PTPRD: variants seen among roughly 807,000 people sequenced by gnomAD.
PTPRD encodes receptor-type tyrosine-protein phosphatase delta.
Under a neutral mutation model 214.5 loss-of-function variants are expected in PTPRD, and 34 were observed. The observed-to-expected ratio is 0.16, with a 90% CI of 0.12 to 0.21. PTPRD has a LOEUF of 0.21. Among genes scored for constraint, PTPRD ranks in the 10% least tolerant of loss-of-function variants. PTPRD has a pLI of 1.00. For missense variants in PTPRD, 2,545 were observed against 2,398.7 expected, an observed-to-expected ratio of 1.06 and a Z score of -1.27; for synonymous variants, 1,128 against 845.7, an observed-to-expected ratio of 1.33 and a Z score of -5.79.
At chr9:8,566,237 G>C (rs1435226374) in intron 14 of PTPRD, among the ~76,000 whole-genome samples, 1 of 151,862 alleles carries the variant, frequency 6.6e-6, no homozygotes, top group African/African-American at 2.4e-5. Flanking sequence ...GTATGTAGGA[G>C]AACTGCTTGC....
At chr9:9,808,106 A>C in intron 5 of PTPRD, among the ~76,000 whole-genome samples, 1 of 152,196 alleles carries the variant, frequency 6.6e-6, no homozygotes, top group East Asian at 1.9e-4. Flanking sequence ...ATCCTTGTTT[A>C]AGCCACACTT....
chr9:8,828,641 C>A (rs373200568), intron 11 of PTPRD, among the ~76,000 whole-genome samples: 1 of 152,090 alleles, frequency 6.6e-6, no homozygotes, highest in South Asian at 2.1e-4. Context: ...TGAATTGATA[C>A]CAGGTTCTGT....
At chr9:8,858,585 G>A (rs1470822450) in intron 11 of PTPRD, among the ~76,000 whole-genome samples, 1 of 152,124 alleles carries the variant, frequency 6.6e-6, no homozygotes, top group Non-Finnish European at 1.5e-5. Flanking sequence ...GTAACGTGCT[G>A]GGGATCCCAC....
intron 4 of PTPRD, among the ~76,000 whole-genome samples, chr9:9,982,493 T>C (rs1221200377): frequency 6.8e-6 from 1 of 147,338 alleles, no homozygotes; most frequent in Non-Finnish European, 1.5e-5. Flanking sequence ...TGTGTGTGTG[T>C]GTGTGTGTGT....
intron 9 of PTPRD, among the ~76,000 whole-genome samples, chr9:9,330,372 C>T (rs578092469): frequency 9.9e-4 from 150 of 152,118 alleles, no homozygotes; most frequent in African/African-American, 3.3e-3. Flanking sequence ...CTCCACCTGC[C>T]GCAGACTTTT....
chr9:10,228,806 G>T (rs557252389), intron 3 of PTPRD, among the ~76,000 whole-genome samples: 301 of 150,048 alleles, frequency 2.0e-3, no homozygotes, highest in African/African-American at 6.9e-3. Context: ...TTATTTATAT[G>T]TAACTTTATA....
At chr9:9,823,031 G>A (rs1565529588) in intron 5 of PTPRD, among the ~76,000 whole-genome samples, 2 of 152,054 alleles carry the variant, frequency 1.3e-5, no homozygotes, top group African/African-American at 4.8e-5. Flanking sequence ...ATTTATTGCA[G>A]CACTATTCAC....
intron 9 of PTPRD, among the ~76,000 whole-genome samples, chr9:9,344,470 T>A (rs1414639564): frequency 1.3e-5 from 2 of 151,952 alleles, no homozygotes. Flanking sequence ...GTTCAGCACA[T>A]GTATCCCAGA....
chr9:10,062,635 T>C (rs2097794975), intron 3 of PTPRD, among the ~76,000 whole-genome samples: 1 of 151,910 alleles, frequency 6.6e-6, no homozygotes, highest in Non-Finnish European at 1.5e-5. Context: ...AGATAAAAAC[T>C]GGTCTTCTAC....
chr9:9,061,829 C>T (rs1273321969), intron 10 of PTPRD, among the ~76,000 whole-genome samples: 1 of 152,118 alleles, frequency 6.6e-6, no homozygotes, highest in East Asian at 1.9e-4. Context: ...GCTCTTCTAT[C>T]CTCCTGTAGA....
At chr9:9,449,102 G>A (rs2091377194) in intron 8 of PTPRD, among the ~76,000 whole-genome samples, 1 of 151,942 alleles carries the variant, frequency 6.6e-6, no homozygotes, top group African/African-American at 2.4e-5. Context: ...CTTCTATACT[G>A]CCGCTGGCAA....
chr9:8,433,494 G>A (rs1287073442), intron 35 of PTPRD, among the ~76,000 whole-genome samples: 1 of 152,168 alleles, frequency 6.6e-6, no homozygotes, highest in Non-Finnish European at 1.5e-5. Flanking sequence ...GACAGCTCCA[G>A]GCTGTCACCC....
intron 11 of PTPRD, among the ~76,000 whole-genome samples, chr9:8,849,262 G>A (rs946896042): frequency 1.4e-5 from 2 of 141,534 alleles, no homozygotes; most frequent in African/African-American, 5.2e-5. Context: ...TGCAAGCTCC[G>A]CCTCTCGGGT....
At chr9:8,943,890 A>G (rs2099048481) in intron 11 of PTPRD, among the ~76,000 whole-genome samples, 1 of 151,930 alleles carries the variant, frequency 6.6e-6, no homozygotes, top group Non-Finnish European at 1.5e-5. Flanking sequence ...CAAAACAAAA[A>G]AGGGCAACTA....
At chr9:9,917,100 C>A (rs778775316) in intron 5 of PTPRD, among the ~76,000 whole-genome samples, 34 of 148,836 alleles carry the variant, frequency 2.3e-4, no homozygotes, top group South Asian at 6.3e-4. Flanking sequence ...ATGTCTACAT[C>A]AAAAAAAACT....
intron 7 of PTPRD, among the ~76,000 whole-genome samples, chr9:9,677,233 G>T (rs1178150156): frequency 6.6e-6 from 1 of 152,042 alleles, no homozygotes; most frequent in South Asian, 2.1e-4. Context: ...TATTGCCTAG[G>T]TTGTCTTCCA....
At chr9:10,400,981 C>G (rs973874453) in intron 2 of PTPRD, among the ~76,000 whole-genome samples, 7 of 151,552 alleles carry the variant, frequency 4.6e-5, no homozygotes, top group Non-Finnish European at 4.4e-5. Flanking sequence ...ATTATTTCCT[C>G]ACAAATCAAT....
chr9:9,394,927 T>C (rs1226561101), intron 9 of PTPRD, among the ~76,000 whole-genome samples: 1 of 152,112 alleles, frequency 6.6e-6, no homozygotes, highest in Admixed American at 6.6e-5. Context: ...ATAGTCAGCT[T>C]TGGAATGCAG....
At chr9:8,703,664 CT>C (rs1372902841) in intron 12 of PTPRD, among the ~76,000 whole-genome samples, 1 of 152,166 alleles carries the variant, frequency 6.6e-6, no homozygotes, top group African/African-American at 2.4e-5. Context: ...GAACCCAAAG[CT>C]TGGGTCTTGA....
Sources: gnomAD v4.1 joint callset for allele counts (sites outside exome capture counted in the v4.1 genomes callset) on GRCh38, gnomAD v4.1.1 for gene constraint, MANE v1.5 for transcripts, NCBI Gene and HGNC (gene_info 2026-07-23, HGNC 2026-07-21) for gene names.